Variants in AFAP1L2 observed in about 807,000 individuals in gnomAD.
AFAP1L2 encodes actin filament-associated protein 1-like 2.
In AFAP1L2, 46 loss-of-function variants were observed where a neutral mutation model predicts 99.3. The observed-to-expected ratio is 0.46, with a 90% confidence interval of 0.37 to 0.59. The LOEUF is 0.59. Among genes scored for constraint, AFAP1L2 ranks in the 20% least tolerant of loss-of-function variants. The pLI, the probability that AFAP1L2 is intolerant of heterozygous loss-of-function variation, is 0.00. For synonymous variants in AFAP1L2, 397 were observed against 419.1 expected (o/e 0.95, Z 0.64); for missense variants, 959 against 1,034.9 (o/e 0.93, Z 1.01).
chr10:114,314,419 C>T (rs1038657714), intron 6 of AFAP1L2, among the ~76,000 whole-genome samples: 1 of 152,224 alleles, frequency 6.6e-6, no homozygotes, highest in Non-Finnish European at 1.5e-5. Context: ...TTCTCCACCT[C>T]TCTGTATTGC....
intron 1 of AFAP1L2, among the ~76,000 whole-genome samples, chr10:114,345,802 GAA>G (rs1211560298): frequency 6.6e-6 from 1 of 152,242 alleles, no homozygotes; most frequent in Admixed American, 6.5e-5. Context: ...GGGATGAAGA[GAA>G]AGAGTGGACT....
In AFAP1L2 at chr10:114,389,554, T is replaced by C. The variant is rs185372020; in HGVS notation, c.16+14886A>G. Among the ~76,000 whole-genome samples, 74 of 152,354 alleles carry C rather than the reference T, an allele frequency of 4.9e-4. 1 individual carries two copies. Among genetic ancestry groups the C allele is most frequent in the Non-Finnish European group, 8.8e-5 (6 of 68,022 alleles). ...ACATTTGGACGCTGGCTGTCAGCCA[T>C]GACCTGTACTTAGTGATGTGAACCC... On this transcript the variant is annotated intron_variant, in intron 1 of 18. Transcript: ENST00000304129.
In AFAP1L2 at chr10:114,313,937, C is replaced by T. The variant is rs3813722; in HGVS notation, c.726G>A (p.Thr242=). The T allele has an allele frequency of 0.75, 1,216,013 of 1,613,474 alleles. 474,239 individuals carry two copies. Among genetic ancestry groups the T allele is most frequent in the East Asian group, 0.85 (38,237 of 44,790 alleles). The change falls in exon 7 of 19, where the codon ACG becomes ACA. Residue 242 remains threonine, a synonymous_variant. Transcript: ENST00000304129. The part of the protein sequence containing the change: ...VRKKEHKLKI[T]PMNADVIVLG... ...GCACAATCACATCGGCATTCATCGG[C>T]GTGATCTTCAGCTTGTGCTCCTTCT...
chr10:114,354,468 T>C (rs944756073), intron 1 of AFAP1L2, among the ~76,000 whole-genome samples: 6 of 152,196 alleles, frequency 3.9e-5, no homozygotes, highest in Admixed American at 6.5e-5. Context: ...TTGGTCTATT[T>C]TTCTCCTTCT....
At chr10:114,307,972 A>G in intron 9 of AFAP1L2, 63 bp from the exon 10 acceptor site, 1 of 1,467,168 alleles carries the variant, frequency 6.8e-7, no homozygotes. Flanking sequence ...CCCATGAGAG[A>G]TGGAAAAAAT....
At chr10:114,333,174 T>C (rs369271628) in intron 3 of AFAP1L2, 47 bp downstream of exon 3, 5 of 1,544,856 alleles carry the variant, frequency 3.2e-6, no homozygotes, top group Non-Finnish European at 3.6e-6. Context: ...CCTTCCCCCA[T>C]CCCAGGAGTG....
At chr10:114,333,116 C>T in intron 3 of AFAP1L2, 105 bp downstream of exon 3, 1 of 1,057,418 alleles carries the variant, frequency 9.5e-7, no homozygotes, top group Non-Finnish European at 1.4e-6. Flanking sequence ...CCAGGCGGGT[C>T]TGTGTGCCGG....
intron 4 of AFAP1L2, among the ~76,000 whole-genome samples, chr10:114,330,118 G>A (rs767824831): frequency 4.6e-5 from 7 of 152,142 alleles, no homozygotes; most frequent in Admixed American, 2.0e-4. Flanking sequence ...TCAAGGGACG[G>A]CATGCAATGG....
intron 4 of AFAP1L2, among the ~76,000 whole-genome samples, 169 bp downstream of exon 4, chr10:114,331,634 T>C (rs1250958866): frequency 6.6e-6 from 1 of 151,852 alleles, no homozygotes; most frequent in Non-Finnish European, 1.5e-5. Context: ...GCAAATCACC[T>C]GTAGGCAGGT....
At chr10:114,347,266 G>A (rs898836933) in intron 1 of AFAP1L2, among the ~76,000 whole-genome samples, 7 of 152,130 alleles carry the variant, frequency 4.6e-5, no homozygotes, top group South Asian at 4.2e-4. Context: ...GGAAAATGTC[G>A]AAGATCTTCC....
chr10:114,310,859 T>C (rs371438599), intron 7 of AFAP1L2, among the ~76,000 whole-genome samples: 21 of 152,298 alleles, frequency 1.4e-4, no homozygotes, highest in African/African-American at 4.8e-4. Flanking sequence ...TCAGAGGTCA[T>C]GCAACTCTCT....
chr10:114,291,809 G>A (rs1889449), downstream of AFAP1L2, among the ~76,000 whole-genome samples: 29,924 of 152,138 alleles, frequency 0.2, 3,115 homozygotes, highest in South Asian at 0.28. Context: ...GACTTCTGGC[G>A]ACTGCCTTTT....
intron 2 of AFAP1L2, among the ~76,000 whole-genome samples, chr10:114,334,237 C>G (rs1212373398): frequency 2.0e-5 from 3 of 151,420 alleles, no homozygotes; most frequent in Non-Finnish European, 4.4e-5. Context: ...CCTGCCTGGG[C>G]AGAGAAAAGC....
At position 114,369,166 on chromosome 10, in the gene AFAP1L2, CT is replaced by C. The variant is rs546746871; in HGVS notation, c.17-28436del. ...AAAAATCACTTCCGATTTTTAAAAA[CT>C]TTTTATTGGCTGGGTGTAGTAACTC... On this transcript the variant is annotated intron_variant, in intron 1 of 18. Transcript: ENST00000304129. Among the ~76,000 whole-genome samples, 394 of 152,222 alleles carry C rather than the reference CT, an allele frequency of 2.6e-3. 4 individuals carry two copies. The highest frequency in any genetic ancestry group is 9.0e-3 in the African/African-American group (374 of 41,532).
intron 1 of AFAP1L2, among the ~76,000 whole-genome samples, chr10:114,389,362 G>A (rs1281124694): frequency 6.6e-6 from 1 of 152,228 alleles, no homozygotes; most frequent in Non-Finnish European, 1.5e-5. Flanking sequence ...CCCAGGGTGG[G>A]AAGTGGGGAG....
intron 3 of AFAP1L2, among the ~76,000 whole-genome samples, chr10:114,332,221 G>A: frequency 6.6e-6 from 1 of 152,206 alleles, no homozygotes; most frequent in South Asian, 2.1e-4. Flanking sequence ...GCCACTCTCA[G>A]CATGGACCCT....
At chr10:114,302,586 C>A in intron 11 of AFAP1L2, 102 bp from the exon 12 acceptor site, 1 of 1,452,714 alleles carries the variant, frequency 6.9e-7, no homozygotes, top group Non-Finnish European at 9.4e-7. Context: ...CTGAGCCTGC[C>A]CACGAAAGCC....
At chr10:114,296,786 C>G in intron 18 of AFAP1L2, 192 bp downstream of exon 18, 1 of 834,424 alleles carries the variant, frequency 1.2e-6, no homozygotes, top group Non-Finnish European at 1.8e-6. Flanking sequence ...CAAGTGCAGA[C>G]ACCTTTCTGG....
chr10:114,307,781 C>T (rs375794505), intron 10 of AFAP1L2, 24 bp downstream of exon 10: 39 of 1,600,668 alleles, frequency 2.4e-5, no homozygotes, highest in Non-Finnish European at 4.3e-6. Context: ...AGCCTGTGGT[C>T]CCGGAGGTAG....
Sources: allele counts gnomAD v4.1 joint callset (sites outside exome capture counted in the v4.1 genomes callset), GRCh38; gene constraint gnomAD v4.1.1; transcripts MANE v1.5; gene names NCBI Gene and HGNC (gene_info 2026-07-23, HGNC 2026-07-21).